ANKS1A: variants seen among roughly 807,000 people sequenced by gnomAD.
The protein encoded by ANKS1A is ankyrin repeat and sterile alpha motif domain containing 1A.
Under a neutral mutation model 120.3 loss-of-function variants are expected in ANKS1A, and 55 were observed. The observed-to-expected ratio is 0.46, with a 90% CI of 0.37 to 0.57. The LOEUF (loss-of-function observed/expected upper bound fraction) is 0.57, where lower values mean the gene tolerates loss of function less well. Among genes scored for constraint, ANKS1A ranks in the 20% least tolerant of loss-of-function variants. The pLI is 0.00. For missense variants in ANKS1A, 1,123 were observed against 1,480.3 expected (o/e 0.76, Z 3.96); for synonymous variants, 590 against 604.7 (o/e 0.98, Z 0.36).
intron 11 of ANKS1A, among the ~76,000 whole-genome samples, chr6:35,020,450 G>A (rs1774275753): frequency 6.6e-6 from 1 of 152,148 alleles, no homozygotes; most frequent in Non-Finnish European, 1.5e-5. Flanking sequence ...CCAATCCCTA[G>A]TGGATACTGA....
At chr6:35,070,840 G>T in intron 13 of ANKS1A, 1 of 575,394 alleles carries the variant, frequency 1.7e-6, no homozygotes. Context: ...GTGTGTGTGT[G>T]TGTGTGCGCG....
chr6:35,091,152 GTC>G lies in ANKS1A; in HGVS notation c.*2547_*2548del. The G allele has an allele frequency of 6.1e-6, 6 of 985,866 alleles. No homozygotes were observed. The African/African-American group carries it at 1.0e-4, about 17-fold the overall frequency. 61.1% of individuals were successfully genotyped at this position (985,866 alleles called of 1,614,324 possible). Reference sequence around the variant, plus strand: ...GTAATGAAAATGTTATTTAATCTTTGTCTCTGTATTTTGATACTTGAATGACT... The same window carrying G: ...GTAATGAAAATGTTATTTAATCTTTGTCTGTATTTTGATACTTGAATGACT... On this transcript the variant is annotated 3_prime_UTR_variant, in exon 24 of 24. Transcript: ENST00000360359.
At chr6:35,061,938 G>A (rs1201287535) in intron 13 of ANKS1A, among the ~76,000 whole-genome samples, 1 of 152,132 alleles carries the variant, frequency 6.6e-6, no homozygotes, top group African/African-American at 2.4e-5. Context: ...GTGGTCTTAG[G>A]GTGTTCCCTC....
chr6:34,994,455 T>A, intron 10 of ANKS1A, 33 bp downstream of exon 10: 1 of 1,602,548 alleles, frequency 6.2e-7, no homozygotes, highest in Non-Finnish European at 8.5e-7. Flanking sequence ...CAGAACCAAC[T>A]CCAAAGGGAT....
At chr6:35,049,941 C>G (rs557866783) in intron 11 of ANKS1A, among the ~76,000 whole-genome samples, 2 of 152,312 alleles carry the variant, frequency 1.3e-5, no homozygotes, top group Non-Finnish European at 2.9e-5. Flanking sequence ...CCCATCAAAA[C>G]TCTTTCTTTC....
chr6:35,017,641 C>T lies in ANKS1A; in HGVS notation c.1592C>T (p.Ser531Phe), dbSNP rs748921780. 1.4e-5 allele frequency: 22 copies of T among 1,613,564 alleles called. No homozygotes were observed. The highest frequency in any genetic ancestry group is 3.3e-4 in the Middle Eastern group (2 of 6,082). ...CTAGQSHPDG[S>F]PQQGACHKAS... ...GCTGGCCAGAGCCATCCAGACGGGT[C>T]CCCCCAGCAGGGCGCCTGCCACAAG... Residue 531 changes from serine (S) to phenylalanine (F), a missense_variant, in exon 11 of 24, where the codon TCC becomes TTC. Physicochemically the swap from Ser to Phe is radical, Grantham distance 155. Around this residue, in one of 3 missense-constraint regions of ANKS1A, gnomAD observed 904 missense variants for 1,130.4 expected, o/e 0.80. Coordinates refer to ENST00000360359, the MANE Select transcript of ANKS1A (RefSeq NM_015245.3).
intron 1 of ANKS1A, among the ~76,000 whole-genome samples, chr6:34,950,369 C>T (rs554473333): frequency 3.6e-4 from 55 of 151,794 alleles, no homozygotes; most frequent in South Asian, 8.4e-4. Context: ...GCTGGGATTA[C>T]GGGCACCCGC....
chr6:34,983,468 A>C, intron 7 of ANKS1A, 43 bp downstream of exon 7: 1 of 1,473,878 alleles, frequency 6.8e-7, no homozygotes, highest in Non-Finnish European at 9.3e-7. Context: ...GCTCAGCTTG[A>C]AAAGAGTTGA....
intron 1 of ANKS1A, among the ~76,000 whole-genome samples, chr6:34,929,297 T>A (rs374687475): frequency 2.0e-5 from 3 of 152,334 alleles, no homozygotes; most frequent in East Asian, 3.9e-4. Context: ...TTGACTCTTA[T>A]AAGCAAAAGT....
chr6:34,994,976 G>T (rs750597719), intron 10 of ANKS1A, among the ~76,000 whole-genome samples: 1 of 152,170 alleles, frequency 6.6e-6, no homozygotes, highest in Non-Finnish European at 1.5e-5. Context: ...GATCCAGCCC[G>T]TCGATATAAG....
chr6:35,076,755 G>A (rs1490322205), intron 13 of ANKS1A, among the ~76,000 whole-genome samples: 2 of 151,764 alleles, frequency 1.3e-5, no homozygotes, highest in African/African-American at 2.4e-5. Flanking sequence ...TCAGCCTCCC[G>A]AGTAGCTGGG....
At chr6:34,911,418 G>T (rs372578062) in intron 1 of ANKS1A, among the ~76,000 whole-genome samples, 81 of 152,298 alleles carry the variant, frequency 5.3e-4, no homozygotes, top group African/African-American at 1.9e-3. Flanking sequence ...CCTGTGTTCT[G>T]CTGTAATAAT....
intron 13 of ANKS1A, among the ~76,000 whole-genome samples, chr6:35,076,082 A>C (rs150790811): frequency 1.3e-3 from 197 of 152,244 alleles, no homozygotes; most frequent in Middle Eastern, 6.8e-3. Context: ...TTATTATGTA[A>C]AGAACTCCTA....
At chr6:34,965,375 C>T (rs1313195676) in intron 1 of ANKS1A, among the ~76,000 whole-genome samples, 6 of 151,940 alleles carry the variant, frequency 3.9e-5, no homozygotes, top group Non-Finnish European at 7.4e-5. Context: ...ATTTTGAGAT[C>T]GAGTCTCACT....
intron 1 of ANKS1A, among the ~76,000 whole-genome samples, chr6:34,925,685 A>G (rs1209574481): frequency 6.6e-6 from 1 of 152,142 alleles, no homozygotes; most frequent in Non-Finnish European, 1.5e-5. Context: ...CTGGGTGCGG[A>G]GAGGGATACT....
intron 13 of ANKS1A, among the ~76,000 whole-genome samples, chr6:35,065,916 G>A (rs538802506): frequency 7.9e-5 from 12 of 152,152 alleles, no homozygotes; most frequent in South Asian, 2.1e-4. Context: ...GCTTCTACCC[G>A]CCTCCTCCCC....
chr6:35,031,317 G>A (rs1473153456), intron 11 of ANKS1A, among the ~76,000 whole-genome samples: 4 of 152,092 alleles, frequency 2.6e-5, no homozygotes, highest in East Asian at 1.9e-4. Flanking sequence ...CAGCGTAATC[G>A]CCTGCTCTGG....
At chr6:34,959,231 G>A (rs1346540964) in intron 1 of ANKS1A, among the ~76,000 whole-genome samples, 2 of 152,186 alleles carry the variant, frequency 1.3e-5, no homozygotes, top group Non-Finnish European at 2.9e-5. Flanking sequence ...CTCAGATGCA[G>A]TGTTCTTGTA....
chr6:35,064,343 C>A (rs1476248749), intron 13 of ANKS1A, among the ~76,000 whole-genome samples: 1 of 152,176 alleles, frequency 6.6e-6, no homozygotes, highest in East Asian at 1.9e-4. Context: ...ACTGAGTCGG[C>A]CAGGCCGGAT....
Sources: gnomAD v4.1 joint callset for allele counts (sites outside exome capture counted in the v4.1 genomes callset) on GRCh38, gnomAD v4.1.1 for gene constraint, gnomAD v4.1.1 regional missense constraint, MANE v1.5 for transcripts, NCBI Gene and HGNC (gene_info 2026-07-23, HGNC 2026-07-21) for gene names.